DLGAP1: variants seen among roughly 807,000 people sequenced by gnomAD.
DLGAP1 encodes disks large-associated protein 1.
In DLGAP1, 11 loss-of-function variants were observed where a neutral mutation model predicts 90.8. The ratio of observed to expected loss-of-function variants is 0.12; its 90% CI spans 0.08 to 0.20. The LOEUF is 0.20. Ranked by LOEUF, DLGAP1 falls within the 10% of genes least tolerant of loss-of-function variation. DLGAP1 has a pLI of 1.00. For missense variants in DLGAP1, 1,050 were observed against 1,333.8 expected (o/e 0.79, Z 3.31); for synonymous variants, 558 against 540.7 (o/e 1.03, Z -0.44).
At chr18:3,631,051 G>T (rs1277733171) in intron 7 of DLGAP1, among the ~76,000 whole-genome samples, 1 of 151,982 alleles carries the variant, frequency 6.6e-6, no homozygotes, top group African/African-American at 2.4e-5. Context: ...TGCAATTTCG[G>T]CTCATTGCAT....
intron 3 of DLGAP1, among the ~76,000 whole-genome samples, chr18:3,973,951 C>T (rs376239688): frequency 1.3e-5 from 2 of 152,172 alleles, no homozygotes; most frequent in Non-Finnish European, 2.9e-5. Flanking sequence ...TAGAGCCCAT[C>T]GCTCCTAGGC....
At chr18:4,074,560 A>G (rs916751187) in intron 2 of DLGAP1, among the ~76,000 whole-genome samples, 1 of 152,176 alleles carries the variant, frequency 6.6e-6, no homozygotes, top group Non-Finnish European at 1.5e-5. Flanking sequence ...ATGTTAATAT[A>G]AAGAATTTAA....
At chr18:3,901,666 A>G (rs2071786900) in intron 3 of DLGAP1, among the ~76,000 whole-genome samples, 1 of 152,038 alleles carries the variant, frequency 6.6e-6, no homozygotes, top group African/African-American at 2.4e-5. Flanking sequence ...TACATGGGGT[A>G]TTTTCACTTT....
chr18:3,586,054 T>C (rs2055865517), intron 7 of DLGAP1, among the ~76,000 whole-genome samples: 1 of 152,150 alleles, frequency 6.6e-6, no homozygotes, highest in Non-Finnish European at 1.5e-5. Context: ...TAGGGATAAC[T>C]CTGGATACCT....
At chr18:3,670,976 C>CT (rs2060067979) in intron 7 of DLGAP1, among the ~76,000 whole-genome samples, 2 of 152,218 alleles carry the variant, frequency 1.3e-5, no homozygotes, top group South Asian at 4.1e-4. Context: ...CTTCGCAAAA[C>CT]TGTCAAAATC....
At chr18:3,850,456 T>C (rs2069274710) in intron 4 of DLGAP1, among the ~76,000 whole-genome samples, 1 of 152,148 alleles carries the variant, frequency 6.6e-6, no homozygotes, top group South Asian at 2.1e-4. Context: ...ATGAATGATT[T>C]AATTTTCCCA....
At chr18:3,832,126 C>T (rs2068063017) in intron 4 of DLGAP1, among the ~76,000 whole-genome samples, 1 of 152,146 alleles carries the variant, frequency 6.6e-6, no homozygotes, top group Admixed American at 6.5e-5. Context: ...ATAGAAATAA[C>T]CAGAACCCAT....
chr18:4,140,865 C>G (rs1191417123), intron 2 of DLGAP1, among the ~76,000 whole-genome samples: 1 of 151,940 alleles, frequency 6.6e-6, no homozygotes, highest in Non-Finnish European at 1.5e-5. Flanking sequence ...CCACTCTCTC[C>G]TGGCCTATAA....
At chr18:4,007,646 G>A (rs779062575) in intron 2 of DLGAP1, among the ~76,000 whole-genome samples, 13 of 148,438 alleles carry the variant, frequency 8.8e-5, no homozygotes, top group Non-Finnish European at 1.3e-4. Flanking sequence ...ACAGAACAAG[G>A]CTCCATCTCA....
At chr18:3,700,320 C>T (rs1044408827) in intron 7 of DLGAP1, among the ~76,000 whole-genome samples, 2 of 152,174 alleles carry the variant, frequency 1.3e-5, no homozygotes, top group Non-Finnish European at 2.9e-5. Flanking sequence ...GTATCTGAGC[C>T]GGAACGCACT....
chr18:3,530,727 G>A (rs1260216836), intron 10 of DLGAP1, among the ~76,000 whole-genome samples: 1 of 152,196 alleles, frequency 6.6e-6, no homozygotes, highest in Non-Finnish European at 1.5e-5. Flanking sequence ...AGACCTAATT[G>A]TGCTTGGGGG....
At chr18:4,101,585 A>G (rs756368019) in intron 2 of DLGAP1, among the ~76,000 whole-genome samples, 1 of 152,170 alleles carries the variant, frequency 6.6e-6, no homozygotes, top group African/African-American at 2.4e-5. Flanking sequence ...CAAACCTTCA[A>G]TTTGCAACAA....
At chr18:4,299,994 A>G (rs368676473) in intron 1 of DLGAP1, among the ~76,000 whole-genome samples, 13 of 143,162 alleles carry the variant, frequency 9.1e-5, no homozygotes, top group African/African-American at 3.2e-4. Flanking sequence ...CCTATTTAGA[A>G]TATCCAAAAA....
chr18:4,004,126 T>C (rs1357845076), intron 3 of DLGAP1, among the ~76,000 whole-genome samples: 4 of 152,222 alleles, frequency 2.6e-5, no homozygotes, highest in Admixed American at 2.6e-4. Flanking sequence ...TAAGCAAAAA[T>C]GTTGTCGTTT....
At chr18:4,026,134 T>C (rs1230395509) in intron 2 of DLGAP1, among the ~76,000 whole-genome samples, 3 of 152,042 alleles carry the variant, frequency 2.0e-5, no homozygotes, top group Admixed American at 6.6e-5. Context: ...CTTAAGTTGG[T>C]TCCTCTTGAC....
At chr18:3,977,015 C>G (rs1297736086) in intron 3 of DLGAP1, among the ~76,000 whole-genome samples, 1 of 152,154 alleles carries the variant, frequency 6.6e-6, no homozygotes, top group Non-Finnish European at 1.5e-5. Context: ...AAAAAATTGT[C>G]TTGACAGAAT....
In DLGAP1 at chr18:3,992,452, T is replaced by C. The variant is rs550017519; in HGVS notation, c.-73+12664A>G. 1.6e-4 allele frequency among the ~76,000 whole-genome samples: 24 copies of C among 152,170 alleles called. No homozygotes were observed. The East Asian group carries it at 4.4e-3, about 28-fold the overall frequency. On this transcript the variant is annotated intron_variant, in intron 3 of 12. Coordinates refer to ENST00000315677, the MANE Select transcript of DLGAP1 (RefSeq NM_004746.4). Reference sequence around the variant, plus strand: ...CAACACTTTGGGAGGCTGAGGCGGGTGGAATGCTTGAGTCCAGGAGTTCCA... The same window carrying C: ...CAACACTTTGGGAGGCTGAGGCGGGCGGAATGCTTGAGTCCAGGAGTTCCA...
intron 3 of DLGAP1, chr18:3,978,008 G>A (rs927901117): frequency 5.0e-5 from 19 of 379,996 alleles, no homozygotes; most frequent in Non-Finnish European, 6.2e-5. Context: ...ACCAGTAGAT[G>A]CAGGGATGAT....
At chr18:4,058,789 T>G (rs2075259536) in intron 2 of DLGAP1, among the ~76,000 whole-genome samples, 1 of 152,214 alleles carries the variant, frequency 6.6e-6, no homozygotes, top group Non-Finnish European at 1.5e-5. Flanking sequence ...AAGGTCTTAT[T>G]CAAAGGGAGA....
Sources: gnomAD v4.1 joint callset for allele counts (sites outside exome capture counted in the v4.1 genomes callset) on GRCh38, gnomAD v4.1.1 for gene constraint, MANE v1.5 for transcripts, NCBI Gene and HGNC (gene_info 2026-07-23, HGNC 2026-07-21) for gene names.